The following NIPAL2 variants were observed in gnomAD, a reference collection of about 807,000 sequenced individuals.
The protein encoded by NIPAL2 is NIPA-like protein 2.
A neutral mutation model predicts 48.9 loss-of-function variants in NIPAL2; 43 were observed. The ratio of observed to expected loss-of-function variants is 0.88; its 90% CI spans 0.69 to 1.13. NIPAL2 has a LOEUF of 1.13. Ranked by LOEUF, NIPAL2 falls within the 50% of genes most tolerant of loss-of-function variation. NIPAL2 has a pLI of 0.00. For missense variants in NIPAL2, 446 were observed against 461.4 expected, an observed-to-expected ratio of 0.97 and a Z score of 0.31; for synonymous variants, 167 against 174.6, an observed-to-expected ratio of 0.96 and a Z score of 0.34.
At chr8:98,242,341 A>ATT (rs1813028697) in intron 3 of NIPAL2, among the ~76,000 whole-genome samples, 1 of 151,886 alleles carries the variant, frequency 6.6e-6, no homozygotes, top group South Asian at 2.1e-4. Context: ...GTGTACTAAC[A>ATT]CGCCTGGCTA....
intron 3 of NIPAL2, among the ~76,000 whole-genome samples, chr8:98,251,030 C>T (rs542963245): frequency 1.3e-5 from 2 of 152,144 alleles, no homozygotes; most frequent in Admixed American, 6.5e-5. Context: ...TGAGGTAGCA[C>T]CCTTTTTCTT....
chr8:98,208,700 T>C (rs1811160956), intron 6 of NIPAL2, among the ~76,000 whole-genome samples: 3 of 152,072 alleles, frequency 2.0e-5, no homozygotes, highest in African/African-American at 7.2e-5. Context: ...CCACCTGCCA[T>C]GGCCTCCCAA....
chr8:98,194,554 T>G (rs2130679418), intron 10 of NIPAL2, among the ~76,000 whole-genome samples, 174 bp downstream of exon 10: 1 of 152,314 alleles, frequency 6.6e-6, no homozygotes, highest in African/African-American at 2.4e-5. Flanking sequence ...AAACTGACAT[T>G]CAATAAATTA....
At chr8:98,257,005 T>C (rs982247235) in intron 1 of NIPAL2, among the ~76,000 whole-genome samples, 3 of 152,164 alleles carry the variant, frequency 2.0e-5, no homozygotes, top group Admixed American at 2.0e-4. Context: ...CACTACAACA[T>C]GGATGAACCT....
At chr8:98,224,904 G>A (rs1015085784) in intron 4 of NIPAL2, among the ~76,000 whole-genome samples, 3 of 151,602 alleles carry the variant, frequency 2.0e-5, no homozygotes, top group Non-Finnish European at 4.4e-5. Context: ...CTACAAGCAC[G>A]TGCCACCACG....
intron 7 of NIPAL2, among the ~76,000 whole-genome samples, chr8:98,204,035 G>A (rs886438209): frequency 6.6e-6 from 1 of 152,110 alleles, no homozygotes; most frequent in South Asian, 2.1e-4. Flanking sequence ...AACCACAGTC[G>A]TACAGTGTGA....
intron 6 of NIPAL2, among the ~76,000 whole-genome samples, chr8:98,211,733 A>AGTGTGTGTGT (rs1156409051): frequency 0.16 from 17,819 of 108,982 alleles, 1,839 homozygotes; most frequent in Admixed American, 0.22. Context: ...AGAGAGAGAA[A>AGTGTGTGTGT]GTGTGTGTGT....
intron 1 of NIPAL2, among the ~76,000 whole-genome samples, chr8:98,272,990 T>C (rs1471406300): frequency 2.0e-5 from 3 of 152,100 alleles, no homozygotes; most frequent in Non-Finnish European, 4.4e-5. Flanking sequence ...AAAGTGTCCA[T>C]AAAAAGGTTA....
chr8:98,195,759 C>A, intron 9 of NIPAL2, 183 bp downstream of exon 9: 1 of 479,296 alleles, frequency 2.1e-6, no homozygotes, highest in South Asian at 2.2e-5. Flanking sequence ...ACCTAAGTCA[C>A]AAAGCCAAAG....
Position 98,226,512 on chromosome 8 carries a change from G to A in NIPAL2, c.437-3912C>T, listed in dbSNP as rs569123887. On this transcript the variant is annotated intron_variant, in intron 4 of 10. Coordinates refer to ENST00000430223, the MANE Select transcript of NIPAL2 (RefSeq NM_001321635.2). ...GTACTATGTTGGTGGTCTTGGATAA[G>A]ATCTGGGTAAATTACCTGGATTAAC... 3.3e-5 allele frequency among the ~76,000 whole-genome samples: 5 copies of A among 152,310 alleles called. No homozygotes were observed. The East Asian group carries it at 9.6e-4, about 29-fold the overall frequency.
chr8:98,247,454 T>C (rs7011239), intron 3 of NIPAL2, among the ~76,000 whole-genome samples: 117,816 of 151,994 alleles, frequency 0.78, 46,666 homozygotes, highest in Non-Finnish European at 0.86. Flanking sequence ...AGGGCAGGGT[T>C]GCTGTGTGTG....
At chr8:98,240,289 A>G (rs771586684) in intron 3 of NIPAL2, among the ~76,000 whole-genome samples, 9 of 152,172 alleles carry the variant, frequency 5.9e-5, no homozygotes, top group Non-Finnish European at 1.3e-4. Flanking sequence ...GTGCTCACTG[A>G]TCTTGGTGCT....
chr8:98,275,410 T>C (rs1031749257), intron 1 of NIPAL2, among the ~76,000 whole-genome samples: 2 of 152,182 alleles, frequency 1.3e-5, no homozygotes, highest in African/African-American at 4.8e-5. Flanking sequence ...ATAATTTCCC[T>C]GAGTCTCATC....
rs548212666 is a variant in NIPAL2 at position 98,286,706 on chromosome 8, G to A, written c.135+7297C>T. Among the ~76,000 whole-genome samples the A allele has an allele frequency of 3.9e-4, 60 of 151,930 alleles. 1 individual carries two copies. Among genetic ancestry groups the A allele is most frequent in the African/African-American group, 1.4e-3 (59 of 41,430 alleles). On this transcript the variant is annotated intron_variant, in intron 1 of 10. Coordinates refer to ENST00000430223, the MANE Select transcript of NIPAL2 (RefSeq NM_001321635.2). ...CGCCTGTAGTCCCAGCTACTCAGGA[G>A]GCTGCGGCAGGAGAATCACTTGAAC... is the stretch of plus-strand genomic sequence containing the variant.
intron 3 of NIPAL2, among the ~76,000 whole-genome samples, chr8:98,239,839 G>C (rs1258628649): frequency 6.6e-6 from 1 of 152,094 alleles, no homozygotes; most frequent in Non-Finnish European, 1.5e-5. Context: ...GAGCAAAAAG[G>C]CAGTATTGAG....
chr8:98,193,274 G>T, intron 10 of NIPAL2, 184 bp from the exon 11 acceptor site: 2 of 1,245,242 alleles, frequency 1.6e-6, no homozygotes, highest in South Asian at 1.2e-5. Flanking sequence ...GTAGCTATGT[G>T]ATAGCGAATT....
chr8:98,257,347 C>CTT (rs1162654230), intron 1 of NIPAL2, among the ~76,000 whole-genome samples: 12 of 58,020 alleles, frequency 2.1e-4, no homozygotes, highest in African/African-American at 3.7e-4. Context: ...TTCTTTCTTT[C>CTT]TTTTTTTTTT....
intron 8 of NIPAL2, among the ~76,000 whole-genome samples, chr8:98,198,030 A>G (rs1370394719): frequency 1.3e-5 from 2 of 152,268 alleles, no homozygotes; most frequent in East Asian, 1.9e-4. Flanking sequence ...CGGCAGAATC[A>G]TTATCTATGA....
At chr8:98,233,259 A>G (rs1812533710) in intron 4 of NIPAL2, among the ~76,000 whole-genome samples, 1 of 151,952 alleles carries the variant, frequency 6.6e-6, no homozygotes, top group Non-Finnish European at 1.5e-5. Context: ...CTCCATCTCA[A>G]AAGAAAAAAA....
Sources: allele counts gnomAD v4.1 joint callset (sites outside exome capture counted in the v4.1 genomes callset), GRCh38; gene constraint gnomAD v4.1.1; transcripts MANE v1.5; gene names NCBI Gene and HGNC (gene_info 2026-07-23, HGNC 2026-07-21).